LPP: variants seen among roughly 807,000 people sequenced by gnomAD.
The protein encoded by LPP is LIM domain containing preferred translocation partner in lipoma.
A neutral mutation model predicts 60.4 loss-of-function variants in LPP; 38 were observed. The observed-to-expected ratio is 0.63, with a 90% CI of 0.49 to 0.83. The LOEUF is 0.83. Among genes scored for constraint, LPP ranks in the 40% least tolerant of loss-of-function variants. LPP has a pLI of 0.00. For synonymous variants in LPP, 328 were observed against 290.8 expected (o/e 1.13, Z -1.30); for missense variants, 902 against 783.6 (o/e 1.15, Z -1.80).
At chr3:188,856,081 AG>A (rs1763758961) in intron 9 of LPP, among the ~76,000 whole-genome samples, 2 of 152,154 alleles carry the variant, frequency 1.3e-5, no homozygotes, top group Non-Finnish European at 2.9e-5. Flanking sequence ...CGTGGGTACC[AG>A]GGGCTTTGTT....
At chr3:188,210,856 T>C (rs895379881) in intron 1 of LPP, among the ~76,000 whole-genome samples, 1 of 152,088 alleles carries the variant, frequency 6.6e-6, no homozygotes. Flanking sequence ...CCACCCCTTT[T>C]TGCTCTCCAG....
intron 3 of LPP, among the ~76,000 whole-genome samples, chr3:188,346,456 G>A (rs1279292095): frequency 6.7e-6 from 1 of 150,206 alleles, no homozygotes; most frequent in Non-Finnish European, 1.5e-5. Flanking sequence ...GTAGAGATGG[G>A]GTTTCACCAT....
rs1037082892 is a variant in LPP, at chr3:188,610,779, A to G, written c.1113+935A>G. Among the ~76,000 whole-genome samples, 3 of 152,132 alleles carry G rather than the reference A, an allele frequency of 2.0e-5. No individual in the cohort carries two copies. The highest frequency in any genetic ancestry group is 4.8e-5 in the African/African-American group (2 of 41,384). On this transcript the variant is annotated intron_variant, in intron 7 of 11. Coordinates refer to ENST00000617246, the MANE Select transcript of LPP (RefSeq NM_001375462.1). The surrounding 1 kb of genome is among the most constrained non-coding windows in gnomAD (Gnocchi z 4.4). ...CCTCCCATTATGACTAGAGGAACCA[A>G]TAAGAATAACTTGGAATCGGTGAAA...
chr3:188,243,092 A>G (rs1440055938), intron 2 of LPP, among the ~76,000 whole-genome samples: 3 of 152,182 alleles, frequency 2.0e-5, no homozygotes, highest in African/African-American at 7.2e-5. Context: ...TAGCTCTTAC[A>G]GTGATCAAAC....
At chr3:188,629,898 A>G (rs1437825973) in intron 7 of LPP, among the ~76,000 whole-genome samples, 1 of 152,140 alleles carries the variant, frequency 6.6e-6, no homozygotes, top group Non-Finnish European at 1.5e-5. Flanking sequence ...AAACCAATGA[A>G]AGAAGCTAGA....
chr3:188,623,935 T>C (rs1321132136), intron 7 of LPP, among the ~76,000 whole-genome samples: 2 of 152,150 alleles, frequency 1.3e-5, no homozygotes, highest in African/African-American at 4.8e-5. Context: ...CAAGTACCTA[T>C]GAATCAACCG....
intron 9 of LPP, among the ~76,000 whole-genome samples, chr3:188,777,683 G>A (rs1185988695): frequency 6.6e-6 from 1 of 152,054 alleles, no homozygotes; most frequent in Non-Finnish European, 1.5e-5. Context: ...GAGGCTCCTT[G>A]CACAGTCCTC....
At chr3:188,267,115 GA>G (rs958064009) in intron 2 of LPP, among the ~76,000 whole-genome samples, 5 of 152,170 alleles carry the variant, frequency 3.3e-5, no homozygotes, top group Non-Finnish European at 7.3e-5. Flanking sequence ...AACCCAGAGG[GA>G]GTGTGGTGGA....
At chr3:188,264,859 G>T (rs774046425) in intron 2 of LPP, among the ~76,000 whole-genome samples, 1 of 151,514 alleles carries the variant, frequency 6.6e-6, no homozygotes, top group Non-Finnish European at 1.5e-5. Context: ...TTATAAGTAA[G>T]TAGCTGGAGA....
chr3:188,826,396 T>C (rs1004770589), intron 9 of LPP, among the ~76,000 whole-genome samples: 2 of 152,206 alleles, frequency 1.3e-5, no homozygotes, highest in African/African-American at 4.8e-5. Flanking sequence ...ATCTGGAAAG[T>C]TCTATTATTA....
chr3:188,776,639 C>T (rs1737890764), intron 9 of LPP, among the ~76,000 whole-genome samples: 1 of 152,164 alleles, frequency 6.6e-6, no homozygotes, highest in Admixed American at 6.5e-5. Flanking sequence ...AATGGAAAAG[C>T]CGTGTTAGTG....
At chr3:188,240,397 A>ACAGAGAC (rs1723851373) in intron 2 of LPP, among the ~76,000 whole-genome samples, 1 of 137,696 alleles carries the variant, frequency 7.3e-6, no homozygotes, top group African/African-American at 2.9e-5. Context: ...CAGAGAGAGA[A>ACAGAGAC]AGAGGTAAAG....
intron 2 of LPP, among the ~76,000 whole-genome samples, chr3:188,300,878 C>T (rs569563240): frequency 6.6e-6 from 1 of 152,170 alleles, no homozygotes; most frequent in East Asian, 1.9e-4. Context: ...GAAGAGAGAC[C>T]TTTGAATATT....
At chr3:188,393,793 G>A (rs910689284) in intron 3 of LPP, among the ~76,000 whole-genome samples, 3 of 152,026 alleles carry the variant, frequency 2.0e-5, no homozygotes, top group South Asian at 2.1e-4. Context: ...CTGTGTATTA[G>A]GTCCTAGGAA....
intron 3 of LPP, among the ~76,000 whole-genome samples, chr3:188,377,895 C>T (rs2151163067): frequency 6.6e-6 from 1 of 152,148 alleles, no homozygotes; most frequent in East Asian, 1.9e-4. Flanking sequence ...GTGTGGATGT[C>T]CTGTCTGTTT....
intron 4 of LPP, among the ~76,000 whole-genome samples, chr3:188,440,543 C>G (rs2149249670): frequency 6.6e-6 from 1 of 152,246 alleles, no homozygotes; most frequent in East Asian, 1.9e-4. Context: ...AAATATGCTG[C>G]TTCGGTTATT....
intron 4 of LPP, among the ~76,000 whole-genome samples, chr3:188,424,029 C>A (rs1481003615): frequency 6.6e-6 from 1 of 152,084 alleles, no homozygotes; most frequent in African/African-American, 2.4e-5. Flanking sequence ...AAGTCTTTGT[C>A]CATTCCTATG....
chr3:188,175,867 CAG>C (rs1405716589), intron 1 of LPP, among the ~76,000 whole-genome samples: 2 of 151,356 alleles, frequency 1.3e-5, no homozygotes, highest in African/African-American at 4.9e-5. Flanking sequence ...AATATAGTGA[CAG>C]AATGCATACC....
At chr3:188,338,345 T>C (rs1292735420) in intron 2 of LPP, among the ~76,000 whole-genome samples, 2 of 152,236 alleles carry the variant, frequency 1.3e-5, no homozygotes, top group Non-Finnish European at 2.9e-5. Flanking sequence ...TGTCATCTAA[T>C]TCCTTTGGCC....
Sources: allele counts gnomAD v4.1 joint callset (sites outside exome capture counted in the v4.1 genomes callset), GRCh38; gene constraint gnomAD v4.1.1; non-coding constraint Gnocchi (gnomAD v3.1); transcripts MANE v1.5; gene names NCBI Gene and HGNC (gene_info 2026-07-23, HGNC 2026-07-21).